Variants in MVB12B observed in about 807,000 individuals in gnomAD.
MVB12B encodes multivesicular body subunit 12B.
Under a neutral mutation model 41.6 loss-of-function variants are expected in MVB12B, and 16 were observed. The ratio of observed to expected loss-of-function variants is 0.38; its 90% CI spans 0.26 to 0.58. The LOEUF is 0.58. Ranked by LOEUF, MVB12B falls within the 20% of genes least tolerant of loss-of-function variation. MVB12B has a pLI of 0.62. For missense variants in MVB12B, 274 were observed against 380.2 expected (o/e 0.72, Z 2.32); for synonymous variants, 133 against 139.7 (o/e 0.95, Z 0.34).
At chr9:126,435,310 G>A (rs779822679) in intron 7 of MVB12B, among the ~76,000 whole-genome samples, 19 of 152,198 alleles carry the variant, frequency 1.2e-4, no homozygotes, top group Non-Finnish European at 2.4e-4. Context: ...CGGGGATGGA[G>A]AGGGTGCAGC....
intron 6 of MVB12B, among the ~76,000 whole-genome samples, chr9:126,417,559 A>G (rs1478028722): frequency 6.6e-6 from 1 of 152,226 alleles, no homozygotes; most frequent in Non-Finnish European, 1.5e-5. Context: ...AGAGACTAAC[A>G]GCAGTTCATG....
chr9:126,433,980 C>A (rs993497530), intron 7 of MVB12B, among the ~76,000 whole-genome samples: 1 of 152,188 alleles, frequency 6.6e-6, no homozygotes, highest in African/African-American at 2.4e-5. Flanking sequence ...TGAACAGTCG[C>A]ACAAGCTTTG....
intron 7 of MVB12B, among the ~76,000 whole-genome samples, chr9:126,423,618 A>AGGTTT (rs1554778117): frequency 6.6e-6 from 1 of 152,192 alleles, no homozygotes. Flanking sequence ...CAGTGGCTGC[A>AGGTTT]AGCACCAAAT....
At chr9:126,344,046 G>GT (rs1463345452) in intron 2 of MVB12B, among the ~76,000 whole-genome samples, 10 of 117,046 alleles carry the variant, frequency 8.5e-5, no homozygotes, top group African/African-American at 2.9e-4. Context: ...ACTTTTCTTG[G>GT]TAAAAAAAAA....
intron 7 of MVB12B, among the ~76,000 whole-genome samples, chr9:126,456,781 C>T (rs1832993135): frequency 6.6e-6 from 1 of 152,218 alleles, no homozygotes; most frequent in African/African-American, 2.4e-5. Flanking sequence ...AAGAGCCATG[C>T]TCCCCTCGAG....
At chr9:126,489,770 G>C (rs1833694397) in intron 9 of MVB12B, among the ~76,000 whole-genome samples, 1 of 152,190 alleles carries the variant, frequency 6.6e-6, no homozygotes, top group Non-Finnish European at 1.5e-5. Context: ...GGGCTTTGCT[G>C]TCCTCCCAGG....
intron 7 of MVB12B, chr9:126,448,053 A>T (rs1832821259): frequency 6.6e-6 from 1 of 151,678 alleles, no homozygotes; most frequent in Non-Finnish European, 1.5e-5. Context: ...GGGGTTTTCC[A>T]CCTTTGCTGT....
chr9:126,336,500 G>A (rs1037112484), intron 1 of MVB12B, among the ~76,000 whole-genome samples: 7 of 152,180 alleles, frequency 4.6e-5, no homozygotes, highest in Non-Finnish European at 1.0e-4. Context: ...TCATTTCTCC[G>A]TGAACCCGGG....
intron 9 of MVB12B, among the ~76,000 whole-genome samples, chr9:126,496,802 T>C (rs377362732): frequency 2.5e-4 from 38 of 152,246 alleles, no homozygotes; most frequent in African/African-American, 8.2e-4. Context: ...GCCCTGCTCC[T>C]GGACACAGGC....
chr9:126,394,105 C>A (rs1831036495), intron 5 of MVB12B, among the ~76,000 whole-genome samples: 2 of 152,338 alleles, frequency 1.3e-5, no homozygotes, highest in East Asian at 1.9e-4. Flanking sequence ...TGTGATCATT[C>A]CCTTCCTACA....
chr9:126,384,947 C>T (rs1361268487), intron 3 of MVB12B, among the ~76,000 whole-genome samples: 1 of 151,262 alleles, frequency 6.6e-6, no homozygotes, highest in Non-Finnish European at 1.5e-5. Context: ...AACAATCCTC[C>T]TACTTCAGCT....
intron 7 of MVB12B, among the ~76,000 whole-genome samples, chr9:126,453,874 A>G (rs1448008059): frequency 6.6e-6 from 1 of 152,212 alleles, no homozygotes; most frequent in East Asian, 1.9e-4. Flanking sequence ...CATCAAGGAT[A>G]CCATCCAGAT....
At chr9:126,343,858 A>G (rs1829515867) in intron 2 of MVB12B, among the ~76,000 whole-genome samples, 1 of 152,210 alleles carries the variant, frequency 6.6e-6, no homozygotes, top group Non-Finnish European at 1.5e-5. Flanking sequence ...CAGAGGTTGC[A>G]GTGAGCCGAG....
At chr9:126,336,336 C>T (rs369943267) in intron 1 of MVB12B, among the ~76,000 whole-genome samples, 17 of 152,336 alleles carry the variant, frequency 1.1e-4, no homozygotes, top group Admixed American at 2.6e-4. Context: ...AGACTGGGGC[C>T]GGGAGGCACA....
At chr9:126,342,618 G>A (rs972019777) in intron 2 of MVB12B, among the ~76,000 whole-genome samples, 3 of 152,190 alleles carry the variant, frequency 2.0e-5, no homozygotes, top group African/African-American at 7.2e-5. Flanking sequence ...CACGGCCGAG[G>A]TGGAGACTGC....
In MVB12B at chr9:126,392,293, C is replaced by G. The variant is rs2118998220; in HGVS notation, c.539+98C>G. 2.1e-6 allele frequency: 3 copies of G among 1,425,320 alleles called. No individual in the cohort carries two copies. In the South Asian group the frequency reaches 3.8e-5, roughly 18 times the overall value. The allele number at this position is 1,425,320 out of a possible 1,614,324, so 88.3% of individuals were successfully genotyped here. The stretch of plus-strand genomic sequence containing the variant: ...TCCAAGAGATTTCCATGCAGCCCCC[C>G]AGGCTCTCAGCCATGGGCCTCTGTC... On this transcript the variant is annotated intron_variant, in intron 5 of 9. Coordinates refer to ENST00000361171, the MANE Select transcript of MVB12B (RefSeq NM_033446.3). This position sits in a 1 kb window ranked among gnomAD's most constrained non-coding sequence, Gnocchi z 4.8.
chr9:126,459,980 G>A lies in MVB12B; in HGVS notation c.758-21389G>A, dbSNP rs1472376862. ...ATGTGCTTTGGACTTTGAATTTGAG[G>A]CTCCCATTTGAAACCACTTTTCCCC... On this transcript the variant is annotated intron_variant, in intron 7 of 9. Coordinates refer to ENST00000361171, the MANE Select transcript of MVB12B (RefSeq NM_033446.3). This position sits in a 1 kb window ranked among gnomAD's most constrained non-coding sequence, Gnocchi z 4.3. 6.6e-6 allele frequency among the ~76,000 whole-genome samples: 1 copy of A among 152,148 alleles called. No individual in the cohort carries two copies. Among genetic ancestry groups the A allele is most frequent in the Non-Finnish European group, 1.5e-5 (1 of 68,028 alleles).
At chr9:126,448,841 C>A (rs1832840637) in intron 7 of MVB12B, among the ~76,000 whole-genome samples, 1 of 152,212 alleles carries the variant, frequency 6.6e-6, no homozygotes, top group Non-Finnish European at 1.5e-5. Flanking sequence ...CCGCCTCCAA[C>A]ATTGGGAATC....
At chr9:126,462,237 G>A (rs892258699) in intron 7 of MVB12B, among the ~76,000 whole-genome samples, 2 of 152,214 alleles carry the variant, frequency 1.3e-5, no homozygotes, top group African/African-American at 4.8e-5. Context: ...GCGTCTTGGA[G>A]CCTCCACAGG....
Sources: gnomAD v4.1 joint callset for allele counts (sites outside exome capture counted in the v4.1 genomes callset) on GRCh38, gnomAD v4.1.1 for gene constraint, Gnocchi (gnomAD v3.1) non-coding constraint, MANE v1.5 for transcripts, NCBI Gene and HGNC (gene_info 2026-07-23, HGNC 2026-07-21) for gene names.